The following PCDH15 variants were observed in gnomAD, a reference collection of about 807,000 sequenced individuals.
PCDH15 encodes protocadherin related 15.
PCDH15 carries 129 observed loss-of-function variants against 178.5 expected under a neutral mutation model. That is an observed-to-expected ratio of 0.72 (90% CI 0.63 to 0.84). The LOEUF (loss-of-function observed/expected upper bound fraction) is 0.84. Ranked by LOEUF, PCDH15 falls within the 40% of genes least tolerant of loss-of-function variation. The pLI is 0.00. For synonymous variants in PCDH15, 800 were observed against 732.0 expected, an observed-to-expected ratio of 1.09 and a Z score of -1.50; for missense variants, 2,230 against 2,099.9, an observed-to-expected ratio of 1.06 and a Z score of -1.21.
rs1207347602 is a variant in PCDH15 at position 53,803,924 on chromosome 10, T to C, written c.*2655A>G. The C allele has an allele frequency of 6.6e-6, 1 of 151,976 alleles. No homozygotes were observed. Among genetic ancestry groups the C allele is most frequent in the African/African-American group, 2.4e-5 (1 of 41,424 alleles). The allele number at this position is 151,976 out of a possible 1,614,324, so 9.4% of individuals were successfully genotyped here. Reference sequence around the variant, plus strand: ...GGAAAAATAACAACCAATTTCTTTATAAATATTTACATTGAAACGTTATTT... The same window carrying C: ...GGAAAAATAACAACCAATTTCTTTACAAATATTTACATTGAAACGTTATTT... On this transcript the variant is annotated 3_prime_UTR_variant, in exon 38 of 38. Coordinates refer to ENST00000644397, the MANE Select transcript of PCDH15 (RefSeq NM_001384140.1).
At chr10:53,833,866 T>A (rs1579126) in intron 29 of PCDH15, among the ~76,000 whole-genome samples, 1,550 of 152,222 alleles carry the variant, frequency 0.01, 30 homozygotes, top group African/African-American at 0.036. Context: ...ATACACTTCA[T>A]GTTGTCAATT....
intron 1 of PCDH15, among the ~76,000 whole-genome samples, chr10:55,175,663 CAAAAA>C (rs71014459): frequency 9.4e-6 from 1 of 106,674 alleles, no homozygotes; most frequent in Non-Finnish European, 1.9e-5. Flanking sequence ...GACTCTGTCT[CAAAAA>C]AAAAAAAAAA....
intron 1 of PCDH15, among the ~76,000 whole-genome samples, chr10:54,738,781 C>A (rs1172339462): frequency 6.6e-6 from 1 of 152,000 alleles, no homozygotes; most frequent in Non-Finnish European, 1.5e-5. Context: ...TACATCATAA[C>A]ATATGATCAT....
intron 2 of PCDH15, among the ~76,000 whole-genome samples, chr10:55,005,738 T>C (rs1441746113): frequency 6.6e-6 from 1 of 152,106 alleles, no homozygotes; most frequent in Admixed American, 6.5e-5. Flanking sequence ...TATAGCAGCA[T>C]TTCTAAAGCC....
chr10:55,073,360 A>G (rs2132016287), intron 2 of PCDH15, among the ~76,000 whole-genome samples: 1 of 152,220 alleles, frequency 6.6e-6, no homozygotes, highest in South Asian at 2.1e-4. Context: ...CCATTGTCTC[A>G]GCCCAAAATC....
chr10:54,036,637 C>G lies in PCDH15; in HGVS notation c.2221-13440G>C, dbSNP rs140990802. On this transcript the variant is annotated intron_variant, in intron 18 of 37. Transcript: ENST00000644397. ...TGCTCATTGAGAATGCACCTGGTCACTCAAGAGTTCTGATGGAGATGTAAA... is the reference window on the plus strand; with the variant it reads ...TGCTCATTGAGAATGCACCTGGTCAGTCAAGAGTTCTGATGGAGATGTAAA... Among the ~76,000 whole-genome samples the G allele has an allele frequency of 2.4e-3, 369 of 151,978 alleles. 5 individuals are homozygous for G. The highest frequency in any genetic ancestry group is 1.6e-3 in the Non-Finnish European group (111 of 67,886).
At chr10:54,915,447 C>T (rs1403022717) in intron 2 of PCDH15, among the ~76,000 whole-genome samples, 1 of 152,102 alleles carries the variant, frequency 6.6e-6, no homozygotes, top group Non-Finnish European at 1.5e-5. Context: ...TTACATGAAA[C>T]TCTGAAGTGT....
chr10:54,608,233 C>G (rs1400791100), intron 2 of PCDH15, among the ~76,000 whole-genome samples: 1 of 150,890 alleles, frequency 6.6e-6, no homozygotes, highest in African/African-American at 2.4e-5. Flanking sequence ...TGTGGGAGGC[C>G]GAGGTGGCTG....
intron 2 of PCDH15, among the ~76,000 whole-genome samples, chr10:54,957,875 A>G (rs1333381362): frequency 6.6e-6 from 1 of 151,722 alleles, no homozygotes; most frequent in Non-Finnish European, 1.5e-5. Context: ...AAACACATGG[A>G]AAGCTCTCTG....
At chr10:54,293,292 C>T (rs1431300583) in intron 8 of PCDH15, among the ~76,000 whole-genome samples, 1 of 152,134 alleles carries the variant, frequency 6.6e-6, no homozygotes, top group African/African-American at 2.4e-5. Flanking sequence ...GGATCCCTTC[C>T]TTACACCTTA....
At chr10:55,538,702 TAAAA>T (rs1485418737) in intron 2 of PCDH15, among the ~76,000 whole-genome samples, 52 of 3,674 alleles carry the variant, frequency 0.014, 12 homozygotes, top group Admixed American at 0.019. Flanking sequence ...CTTCTTTCAT[TAAAA>T]CATCCCTCCC....
intron 11 of PCDH15, chr10:54,189,380 G>A: frequency 6.4e-7 from 1 of 1,561,234 alleles, no homozygotes; most frequent in South Asian, 1.2e-5. Flanking sequence ...TCCACTGGGT[G>A]GAACCTATAC....
At chr10:54,387,448 G>T (rs1367300373) in intron 3 of PCDH15, among the ~76,000 whole-genome samples, 2 of 152,086 alleles carry the variant, frequency 1.3e-5, no homozygotes, top group Non-Finnish European at 2.9e-5. Flanking sequence ...CAGTGAGGCT[G>T]GTATGCTAAG....
At chr10:55,184,737 A>G (rs56001067) in intron 1 of PCDH15, among the ~76,000 whole-genome samples, 17,594 of 151,954 alleles carry the variant, frequency 0.12, 1,444 homozygotes, top group Non-Finnish European at 0.17. Flanking sequence ...TTTTATTTAA[A>G]TCAAATGACT....
chr10:54,253,280 G>C (rs914242782), intron 8 of PCDH15, among the ~76,000 whole-genome samples: 2 of 151,972 alleles, frequency 1.3e-5, no homozygotes, highest in African/African-American at 4.8e-5. Context: ...GAATATTAAA[G>C]TTACTGCATT....
At position 55,472,313 on chromosome 10, in the gene PCDH15, C is replaced by T. The variant is rs116311477; in HGVS notation, c.-156+155312G>A. Among the ~76,000 whole-genome samples, 643 of 152,206 alleles carry T rather than the reference C, an allele frequency of 4.2e-3. 10 individuals carry two copies. Among genetic ancestry groups the T allele is most frequent in the African/African-American group, 0.015 (612 of 41,538 alleles). ...TCTACAGTGCCAATTATGCTTTCAACTTAATCAGGAACATGTTGAGAATAA... is the reference window on the plus strand; with the variant it reads ...TCTACAGTGCCAATTATGCTTTCAATTTAATCAGGAACATGTTGAGAATAA... On this transcript the variant is annotated intron_variant, in intron 2 of 5. Coordinates refer to the PCDH15 transcript ENST00000613346.
chr10:54,852,403 C>T (rs753272834), intron 3 of PCDH15, among the ~76,000 whole-genome samples: 9 of 151,970 alleles, frequency 5.9e-5, no homozygotes, highest in Admixed American at 1.3e-4. Flanking sequence ...GAAAATGCCT[C>T]TTAAAGAGGA....
intron 3 of PCDH15, among the ~76,000 whole-genome samples, chr10:54,418,619 CATT>C (rs1954791258): frequency 6.6e-6 from 1 of 151,716 alleles, no homozygotes; most frequent in South Asian, 2.1e-4. Flanking sequence ...TATTATTTAT[CATT>C]TTGTAACTTT....
chr10:53,818,290 T>C (rs2076136382), intron 33 of PCDH15: 1 of 253,460 alleles, frequency 3.9e-6, no homozygotes, highest in Admixed American at 5.4e-5. Flanking sequence ...TAGTGTATAA[T>C]GACAAACTTT....
Sources: allele counts gnomAD v4.1 joint callset (sites outside exome capture counted in the v4.1 genomes callset), GRCh38; gene constraint gnomAD v4.1.1; transcripts MANE v1.5; gene names NCBI Gene and HGNC (gene_info 2026-07-23, HGNC 2026-07-21).